Variants in EYS observed in about 807,000 individuals in gnomAD.
The protein encoded by EYS is protein eyes shut homolog.
EYS carries 250 observed loss-of-function variants against 282.1 expected under a neutral mutation model. The observed-to-expected ratio is 0.89, with a 90% CI of 0.80 to 0.98. The LOEUF is 0.98. Among genes scored for constraint, EYS ranks in the 50% least tolerant of loss-of-function variants. EYS has a pLI of 0.00. For synonymous variants in EYS, 1,355 were observed against 1,282.9 expected, an observed-to-expected ratio of 1.06 and a Z score of -1.20; for missense variants, 4,016 against 3,709.0, an observed-to-expected ratio of 1.08 and a Z score of -2.15.
intron 1 of EYS, among the ~76,000 whole-genome samples, chr6:65,669,060 T>A (rs1304787074): frequency 6.6e-6 from 1 of 151,984 alleles, no homozygotes; most frequent in Non-Finnish European, 1.5e-5. Context: ...TTTATTTAAG[T>A]ATATATGGTT....
intron 7 of EYS, 79 bp downstream of exon 7, chr6:65,402,399 G>C (rs1766542891): frequency 7.7e-6 from 8 of 1,036,766 alleles, no homozygotes; most frequent in Admixed American, 1.8e-5. Context: ...GTTAAAACCA[G>C]AACATCATTA....
At chr6:63,739,820 A>C (rs867441416) in intron 41 of EYS, among the ~76,000 whole-genome samples, 1 of 150,220 alleles carries the variant, frequency 6.7e-6, no homozygotes, top group South Asian at 2.1e-4. Flanking sequence ...CAGCCTCCTG[A>C]GTAGCTGGGA....
chr6:64,094,663 C>G (rs986620696), intron 31 of EYS, among the ~76,000 whole-genome samples: 10 of 152,052 alleles, frequency 6.6e-5, no homozygotes, highest in Non-Finnish European at 1.2e-4. Context: ...CTGTATTAAT[C>G]TTGCTAGTGG....
At chr6:64,353,619 T>G (rs1771722214) in intron 29 of EYS, among the ~76,000 whole-genome samples, 1 of 151,674 alleles carries the variant, frequency 6.6e-6, no homozygotes, top group Non-Finnish European at 1.5e-5. Context: ...GTTACTGAAG[T>G]GTAACTATTC....
At chr6:65,492,654 T>C (rs1766091873) in intron 4 of EYS, among the ~76,000 whole-genome samples, 1 of 152,168 alleles carries the variant, frequency 6.6e-6, no homozygotes, top group Admixed American at 6.5e-5. Flanking sequence ...TTTCCTCTAG[T>C]CTGCCTTAAC....
intron 26 of EYS, among the ~76,000 whole-genome samples, chr6:64,466,655 T>C (rs1261432277): frequency 2.0e-5 from 3 of 152,116 alleles, no homozygotes; most frequent in Non-Finnish European, 2.9e-5. Context: ...AAGGAGTTAG[T>C]TAAAGATATC....
intron 21 of EYS, among the ~76,000 whole-genome samples, chr6:64,817,482 CAT>C (rs1764771500): frequency 6.6e-6 from 1 of 152,142 alleles, no homozygotes; most frequent in Non-Finnish European, 1.5e-5. Flanking sequence ...TACATGCACT[CAT>C]GTGTGCGTAC....
intron 29 of EYS, among the ~76,000 whole-genome samples, chr6:64,326,272 A>G (rs868298473): frequency 2.6e-5 from 4 of 151,970 alleles, no homozygotes; most frequent in Admixed American, 2.0e-4. Flanking sequence ...CCTCATCTAT[A>G]CTCCTCAACT....
chr6:65,203,853 T>A (rs956898749), intron 12 of EYS, among the ~76,000 whole-genome samples: 2 of 151,410 alleles, frequency 1.3e-5, no homozygotes, highest in Non-Finnish European at 2.9e-5. Flanking sequence ...ATTCATGAGA[T>A]AAAAGACAAA....
In EYS at chr6:65,672,598, G is replaced by A. The variant is rs139802882; in HGVS notation, c.-447-32706C>T. On this transcript the variant is annotated intron_variant, in intron 1 of 42. Coordinates refer to ENST00000503581, the MANE Select transcript of EYS (RefSeq NM_001142800.2). ...AGAAACTGTTGTAACCAACAGTTGG[G>A]CACATGAGCCAAGCAAAGTATCAAA... Among the ~76,000 whole-genome samples the A allele has an allele frequency of 1.1e-3, 170 of 152,168 alleles. 4 individuals are homozygous for A. In the East Asian group the frequency reaches 0.028, roughly 25 times the overall value.
chr6:65,136,534 T>A (rs1346324312), intron 12 of EYS, among the ~76,000 whole-genome samples: 2 of 152,050 alleles, frequency 1.3e-5, no homozygotes, highest in Non-Finnish European at 2.9e-5. Flanking sequence ...ATATGTCAGA[T>A]CTTAGGTGAT....
At chr6:65,678,634 A>G (rs1768710538) in intron 1 of EYS, among the ~76,000 whole-genome samples, 1 of 151,936 alleles carries the variant, frequency 6.6e-6, no homozygotes. Context: ...ATACTTCAAC[A>G]CAGCAAAGTA....
intron 22 of EYS, among the ~76,000 whole-genome samples, chr6:64,708,279 A>C (rs1048413080): frequency 6.6e-6 from 1 of 152,232 alleles, no homozygotes; most frequent in African/African-American, 2.4e-5. Flanking sequence ...TGCGTATGAC[A>C]GGGAAACCCT....
chr6:65,009,728 G>T (rs1371010111), intron 13 of EYS, among the ~76,000 whole-genome samples: 5 of 152,170 alleles, frequency 3.3e-5, no homozygotes, highest in Non-Finnish European at 1.5e-5. Flanking sequence ...CCACCCAAGA[G>T]CTCTTACATT....
chr6:65,055,781 C>T (rs1773394510), intron 13 of EYS, among the ~76,000 whole-genome samples: 1 of 151,994 alleles, frequency 6.6e-6, no homozygotes, highest in Non-Finnish European at 1.5e-5. Flanking sequence ...ACAAAAAGTG[C>T]CATTCTCATC....
intron 5 of EYS, among the ~76,000 whole-genome samples, chr6:65,433,323 A>T (rs1767950718): frequency 6.6e-6 from 1 of 152,144 alleles, no homozygotes; most frequent in Non-Finnish European, 1.5e-5. Context: ...AATGTCAGTC[A>T]CTTCATCTGC....
chr6:64,005,290 T>A (rs1252269715), intron 33 of EYS, among the ~76,000 whole-genome samples: 3 of 152,072 alleles, frequency 2.0e-5, no homozygotes, highest in African/African-American at 7.2e-5. Flanking sequence ...TAAGTTCTGT[T>A]AAGTTCTTTG....
At position 64,421,860 on chromosome 6, in the gene EYS, G is replaced by GTGTGTGTGTGT. The variant is rs1554159220; in HGVS notation, c.5927+14313_5927+14314insACACACACACA. On this transcript the variant is annotated intron_variant, in intron 28 of 42. Transcript: ENST00000503581. ...AGAGAGCGCATTTTTTTGTTTGGGG[G>GTGTGTGTGTGT]GTGTGTGTGTGTGTGTGTGTGTGTG... is the stretch of plus-strand genomic sequence containing the variant. Among the ~76,000 whole-genome samples, 21 of 138,350 alleles carry GTGTGTGTGTGT rather than the reference G, an allele frequency of 1.5e-4. 1 individual carries two copies. The highest frequency in any genetic ancestry group is 4.5e-4 in the African/African-American group (16 of 35,338). The allele number at this position is 138,350 out of a possible 152,430, so 90.8% of individuals were successfully genotyped here. A position where few individuals can be genotyped will look rare whatever the true frequency, so the allele number is the denominator to read the frequency against.
intron 41 of EYS, among the ~76,000 whole-genome samples, chr6:63,754,801 C>G (rs1769435331): frequency 6.6e-6 from 1 of 152,206 alleles, no homozygotes; most frequent in South Asian, 2.1e-4. Flanking sequence ...AATTTACACT[C>G]CCACCAACAG....
Sources: gnomAD v4.1 joint callset for allele counts (sites outside exome capture counted in the v4.1 genomes callset) on GRCh38, gnomAD v4.1.1 for gene constraint, MANE v1.5 for transcripts, NCBI Gene and HGNC (gene_info 2026-07-23, HGNC 2026-07-21) for gene names.